Variants in RNF145 observed in about 807,000 individuals in gnomAD.
RNF145 encodes the protein ring finger protein 145.
In RNF145, 12 loss-of-function variants were observed where a neutral mutation model predicts 57.3. That is an observed-to-expected ratio of 0.21 (90% CI 0.13 to 0.34). The LOEUF (loss-of-function observed/expected upper bound fraction) is 0.34, where lower values mean the gene tolerates loss of function less well. Ranked by LOEUF, RNF145 falls within the 10% of genes least tolerant of loss-of-function variation. RNF145 has a pLI of 1.00. For missense variants in RNF145, 429 were observed against 799.0 expected (o/e 0.54, Z 5.58); for synonymous variants, 262 against 288.3 (o/e 0.91, Z 0.92).
intron 2 of RNF145, among the ~76,000 whole-genome samples, chr5:159,200,208 C>G (rs1345145757): frequency 2.0e-5 from 3 of 151,770 alleles, no homozygotes; most frequent in Non-Finnish European, 4.4e-5. Flanking sequence ...GGAATGAGAC[C>G]TAGACAATTT....
intron 2 of RNF145, among the ~76,000 whole-genome samples, chr5:159,196,162 CAT>C (rs1310285479): frequency 1.3e-5 from 2 of 151,950 alleles, no homozygotes; most frequent in East Asian, 3.9e-4. Flanking sequence ...CCATGGGCTA[CAT>C]GTGGCCCAGG....
chr5:159,195,108 A>C (rs550602985), intron 2 of RNF145, among the ~76,000 whole-genome samples: 119 of 152,238 alleles, frequency 7.8e-4, no homozygotes, highest in Non-Finnish European at 1.3e-3. Context: ...CCTTTCCTTG[A>C]TATCAACTTA....
At chr5:159,160,715 G>A (rs1784187630) in intron 10 of RNF145, among the ~76,000 whole-genome samples, 1 of 152,160 alleles carries the variant, frequency 6.6e-6, no homozygotes, top group Non-Finnish European at 1.5e-5. Context: ...ATGTGCTAAA[G>A]ACTATAGGTA....
chr5:159,207,941 CT>C (rs1302580558), intron 1 of RNF145: 2 of 1,606,434 alleles, frequency 1.2e-6, no homozygotes, highest in South Asian at 2.2e-5. Context: ...ACAGCTCATT[CT>C]TTTGGGCATG....
intron 3 of RNF145, among the ~76,000 whole-genome samples, chr5:159,185,254 C>A (rs1785020134): frequency 1.3e-5 from 2 of 152,182 alleles, no homozygotes; most frequent in Non-Finnish European, 2.9e-5. Context: ...TCTCTTTAGG[C>A]CAGCTCAGCT....
chr5:159,172,345 G>A (rs1784586790), intron 6 of RNF145, among the ~76,000 whole-genome samples: 2 of 152,094 alleles, frequency 1.3e-5, no homozygotes, highest in African/African-American at 4.8e-5. Flanking sequence ...GCCAGGTGTG[G>A]TGGCGCATGC....
intron 1 of RNF145, chr5:159,207,710 T>C: frequency 6.2e-7 from 1 of 1,612,826 alleles, no homozygotes; most frequent in Non-Finnish European, 8.5e-7. Flanking sequence ...TAAATATAGC[T>C]GGTCCTCCCC....
intron 8 of RNF145, among the ~76,000 whole-genome samples, chr5:159,168,592 A>G (rs1320297766): frequency 6.6e-6 from 1 of 152,186 alleles, no homozygotes; most frequent in Non-Finnish European, 1.5e-5. Context: ...ACAAATATAA[A>G]AAGTATTAAC....
At chr5:159,187,603 AGGCGTGT>A (rs923020928) in intron 3 of RNF145, among the ~76,000 whole-genome samples, 1 of 152,136 alleles carries the variant, frequency 6.6e-6, no homozygotes, top group Non-Finnish European at 1.5e-5. Flanking sequence ...CTGGGACTAC[AGGCGTGT>A]GCCACCACTC....
chr5:159,179,737 G>A (rs1048479084), intron 4 of RNF145, among the ~76,000 whole-genome samples: 3 of 151,992 alleles, frequency 2.0e-5, no homozygotes, highest in African/African-American at 7.2e-5. Flanking sequence ...AACTCATAAC[G>A]ATAGTCATAA....
chr5:159,173,913 C>T (rs2060211), intron 6 of RNF145, 70 bp downstream of exon 6: 4 of 1,079,998 alleles, frequency 3.7e-6, no homozygotes, highest in East Asian at 2.6e-5. Context: ...ATCTGCAAAA[C>T]TTACTATTCC....
chr5:159,161,637 A>C lies in RNF145; in HGVS notation c.1270-15T>G. The C allele has an allele frequency of 1.3e-6, 1 of 761,642 alleles. No individual in the cohort carries two copies. Among genetic ancestry groups the C allele is most frequent in the East Asian group, 2.7e-5 (1 of 37,172 alleles). 47.2% of individuals were successfully genotyped at this position (761,642 alleles called of 1,614,324 possible). On this transcript the variant is annotated splice_polypyrimidine_tract_variant and intron_variant, in intron 9 of 10. Coordinates refer to ENST00000424310, the MANE Select transcript of RNF145 (RefSeq NM_001199383.2). ...GTTCCCAGAACCTGAAAAAAAAAAA[A>C]AAATGTACGTATCTTGAAATATGAT...
chr5:159,190,165 C>G (rs919536467), intron 3 of RNF145, among the ~76,000 whole-genome samples: 15 of 152,084 alleles, frequency 9.9e-5, no homozygotes, highest in African/African-American at 3.6e-4. Flanking sequence ...CCTCAGCCTC[C>G]GAAGTAGCTG....
intron 2 of RNF145, among the ~76,000 whole-genome samples, chr5:159,201,649 A>C (rs1340551961): frequency 6.6e-6 from 1 of 152,182 alleles, no homozygotes; most frequent in South Asian, 2.1e-4. Context: ...CTCCACATAC[A>C]TCACAAACAA....
chr5:159,161,129 T>C (rs1784202377), intron 10 of RNF145, 137 bp downstream of exon 10: 1 of 584,056 alleles, frequency 1.7e-6, no homozygotes, highest in Admixed American at 3.0e-5. Context: ...GTCTTTAATA[T>C]AATTTCTGAG....
chr5:159,158,479 C>T lies in RNF145; in HGVS notation c.*191G>A, dbSNP rs1409745201. The stretch of plus-strand genomic sequence containing the variant: ...AATACATTTTGATTAGCATACATTG[C>T]AAAATTTCTCCCACAATGTCAGGGG... On this transcript the variant is annotated 3_prime_UTR_variant, in exon 11 of 11. Transcript: ENST00000424310. 5 of 659,318 alleles carry T rather than the reference C, an allele frequency of 7.6e-6. No individual in the cohort carries two copies. The highest frequency in any genetic ancestry group is 1.0e-5 in the Non-Finnish European group (4 of 393,604). The allele number at this position is 659,318 out of a possible 1,614,324, so 40.8% of individuals were successfully genotyped here.
At chr5:159,170,116 A>G (rs1784499031) in intron 6 of RNF145, among the ~76,000 whole-genome samples, 1 of 152,252 alleles carries the variant, frequency 6.6e-6, no homozygotes, top group South Asian at 2.1e-4. Flanking sequence ...CTTAAGAAAT[A>G]TATAATTAGC....
chr5:159,194,735 C>T lies in RNF145; in HGVS notation c.274G>A (p.Ala92Thr). The change falls in exon 3 of 11, where the codon GCT becomes ACT. Residue 92 changes from alanine to threonine, a missense_variant. This residue lies in a region of RNF145 where 109 missense variants were observed against 207.2 expected (regional missense o/e 0.53). Coordinates refer to ENST00000424310, the MANE Select transcript of RNF145 (RefSeq NM_001199383.2). ...LYFLTALLLY[A>T]GHQISRDYVR... ...TCTTACCTGGAAATTTGATGTCCAG[C>T]ATAGAGGAGCAGAGCAGTCAAAAAA... is the stretch of plus-strand genomic sequence containing the variant. 1 of 1,609,838 alleles carries T rather than the reference C, an allele frequency of 6.2e-7. No homozygotes were observed. The highest frequency in any genetic ancestry group is 8.5e-7 in the Non-Finnish European group (1 of 1,176,396).
chr5:159,205,186 C>A (rs1474096807), intron 1 of RNF145, among the ~76,000 whole-genome samples: 1 of 152,050 alleles, frequency 6.6e-6, no homozygotes, highest in Non-Finnish European at 1.5e-5. Context: ...ATATATATAG[C>A]CTGCCAATAA....
Sources: gnomAD v4.1 joint callset for allele counts (sites outside exome capture counted in the v4.1 genomes callset) on GRCh38, gnomAD v4.1.1 for gene constraint, gnomAD v4.1.1 regional missense constraint, MANE v1.5 for transcripts, NCBI Gene and HGNC (gene_info 2026-07-23, HGNC 2026-07-21) for gene names.